The following GSDME variants were observed in gnomAD, a reference collection of about 807,000 sequenced individuals.
The protein encoded by GSDME is gasdermin-E.
GSDME carries 44 observed loss-of-function variants against 47.5 expected under a neutral mutation model. That is an observed-to-expected ratio of 0.93 (90% confidence interval 0.73 to 1.19). The LOEUF is 1.19. Ranked by LOEUF, GSDME falls within the 50% of genes most tolerant of loss-of-function variation. GSDME has a pLI of 0.00. For missense variants in GSDME, 663 were observed against 604.2 expected, an observed-to-expected ratio of 1.10 and a Z score of -1.02; for synonymous variants, 258 against 252.8, an observed-to-expected ratio of 1.02 and a Z score of -0.20.
At chr7:24,717,908 T>C (rs2128053090) in intron 4 of GSDME, among the ~76,000 whole-genome samples, 1 of 152,248 alleles carries the variant, frequency 6.6e-6, no homozygotes, top group Middle Eastern at 3.4e-3. Flanking sequence ...GGCACCAAGC[T>C]CCTGCCTTTA....
the GSDME span, among the ~76,000 whole-genome samples, chr7:24,779,096 A>G: frequency 6.6e-6 from 1 of 152,200 alleles, no homozygotes; most frequent in Non-Finnish European, 1.5e-5. The surrounding 1 kb of genome is among the most constrained non-coding windows in gnomAD (Gnocchi z 6.0). Flanking sequence ...CCGATGAGAC[A>G]GCCTGATGCA....
At position 24,749,811 on chromosome 7, in the gene GSDME, T is replaced by C; in HGVS notation, c.-19-18A>G. 2 of 1,536,560 alleles carry C rather than the reference T, an allele frequency of 1.3e-6. No homozygotes were observed. ...CAGATTATCTGAAAAAGTAAAGTTA[T>C]CCTAAAATCAAATAAGAAGTTACTA... On this transcript the variant is annotated intron_variant, in intron 1 of 9. Coordinates refer to ENST00000645220, the MANE Select transcript of GSDME (RefSeq NM_001127453.2).
rs947898839 is a variant in GSDME at position 24,728,354 on chromosome 7, C to G, written c.405-9136G>C. 6.6e-6 allele frequency among the ~76,000 whole-genome samples: 1 copy of G among 152,148 alleles called. No individual in the cohort carries two copies. Among genetic ancestry groups the G allele is most frequent in the African/African-American group, 2.4e-5 (1 of 41,442 alleles). ...TTCTGCCGTTAACCATTCAGTCAACCGGGACGCACCCTCTTCGAGATGTTT... is the reference window on the plus strand; with the variant it reads ...TTCTGCCGTTAACCATTCAGTCAACGGGGACGCACCCTCTTCGAGATGTTT... On this transcript the variant is annotated intron_variant, in intron 3 of 9. Coordinates refer to ENST00000645220, the MANE Select transcript of GSDME (RefSeq NM_001127453.2). This position sits in a 1 kb window ranked among gnomAD's most constrained non-coding sequence, Gnocchi z 7.2.
At chr7:24,730,220 T>C (rs1038925149) in intron 3 of GSDME, among the ~76,000 whole-genome samples, 4 of 152,214 alleles carry the variant, frequency 2.6e-5, no homozygotes, top group African/African-American at 9.6e-5. Context: ...TTCTAACTCC[T>C]GACTCATCCC....
rs1253619317 is a variant in GSDME at position 24,745,033 on chromosome 7, GT to G, written c.212-280del. Among the ~76,000 whole-genome samples the G allele has an allele frequency of 1.4e-3, 189 of 137,300 alleles. No individual in the cohort carries two copies. Among genetic ancestry groups the G allele is most frequent in the African/African-American group, 5.2e-3 (182 of 35,316 alleles). The allele number at this position is 137,300 out of a possible 152,430, so 90.1% of individuals were successfully genotyped here. A position where few individuals can be genotyped will look rare whatever the true frequency, so the allele number is the denominator to read the frequency against. ...TGTGTGTGTGTGTGTGTGTGTGTGT[GT>G]GGACCACGGGCACACAGTGGACCAG... On this transcript the variant is annotated intron_variant, in intron 2 of 9. Coordinates refer to ENST00000645220, the MANE Select transcript of GSDME (RefSeq NM_001127453.2). The surrounding 1 kb of genome is among the most constrained non-coding windows in gnomAD (Gnocchi z 4.4).
chr7:24,741,593 T>C (rs1184536409), intron 3 of GSDME, among the ~76,000 whole-genome samples: 2 of 152,154 alleles, frequency 1.3e-5, no homozygotes, highest in Non-Finnish European at 2.9e-5. Context: ...AAGCTAATAT[T>C]CTGATTTTTG....
At chr7:24,717,211 C>A (rs1562695758) in intron 5 of GSDME, 43 bp downstream of exon 5, 3 of 1,612,118 alleles carry the variant, frequency 1.9e-6, no homozygotes, top group Non-Finnish European at 2.5e-6. Context: ...CTGAGGGATC[C>A]TCTGCTGGGG....
Position 24,735,364 on chromosome 7 carries a change from A to G in GSDME, c.404+9198T>C, listed in dbSNP as rs1298198266. On this transcript the variant is annotated intron_variant, in intron 3 of 9. Coordinates refer to ENST00000645220, the MANE Select transcript of GSDME (RefSeq NM_001127453.2). This position sits in a 1 kb window ranked among gnomAD's most constrained non-coding sequence, Gnocchi z 4.4. ...TCTGAAAGTCCAAAATGTACTTGTA[A>G]GTACACAGAAAAAACACAGACTATT... Among the ~76,000 whole-genome samples, 1 of 152,236 alleles carries G rather than the reference A, an allele frequency of 6.6e-6. No individual in the cohort carries two copies. The highest frequency in any genetic ancestry group is 1.9e-4 in the East Asian group (1 of 5,204).
At chr7:24,701,048 G>A (rs1483856582) in intron 9 of GSDME, among the ~76,000 whole-genome samples, 1 of 152,156 alleles carries the variant, frequency 6.6e-6, no homozygotes. Context: ...TAGTGTATCT[G>A]GCACTGTACT....
At chr7:24,784,047 G>A in the GSDME span, among the ~76,000 whole-genome samples, 2 of 152,150 alleles carry the variant, frequency 1.3e-5, no homozygotes, top group African/African-American at 4.8e-5. Flanking sequence ...AGTTTTGGAT[G>A]AGCCTGGCCA....
the GSDME span, among the ~76,000 whole-genome samples, chr7:24,764,751 T>G: frequency 2.5e-4 from 38 of 152,186 alleles, no homozygotes; most frequent in Non-Finnish European, 7.3e-5. The surrounding 1 kb of genome is among the most constrained non-coding windows in gnomAD (Gnocchi z 4.4). Context: ...CTTCCTTATC[T>G]GGAAAGTGGG....
At chr7:24,769,683 C>G in the GSDME span, among the ~76,000 whole-genome samples, 1 of 152,156 alleles carries the variant, frequency 6.6e-6, no homozygotes, top group Admixed American at 6.5e-5. Flanking sequence ...TTCCACAGTT[C>G]CTCTTTCTCA....
the GSDME span, among the ~76,000 whole-genome samples, chr7:24,783,253 G>A: frequency 1.3e-5 from 2 of 152,198 alleles, no homozygotes; most frequent in Admixed American, 6.5e-5. Context: ...TAGAGGCTCA[G>A]AGCATTCACA....
At chr7:24,780,533 T>G in the GSDME span, among the ~76,000 whole-genome samples, 1 of 152,346 alleles carries the variant, frequency 6.6e-6, no homozygotes, top group East Asian at 1.9e-4. The surrounding 1 kb of genome is among the most constrained non-coding windows in gnomAD (Gnocchi z 4.1). Flanking sequence ...TACCGCTTTG[T>G]ACACACCCTT....
rs1458978593 is a variant in GSDME, at chr7:24,705,567, G to A, written c.1183+617C>T. On this transcript the variant is annotated intron_variant, in intron 8 of 9. Transcript: ENST00000645220. This position sits in a 1 kb window ranked among gnomAD's most constrained non-coding sequence, Gnocchi z 4.1. ...TCCTCGTGACAGGCACTGTGGCATG[G>A]CGAGTTCCGGATGGGAGGGGTACAG... 1.3e-5 allele frequency: 2 copies of A among 159,386 alleles called. No homozygotes were observed. The highest frequency in any genetic ancestry group is 1.2e-4 in the Admixed American group (2 of 16,996). 9.9% of individuals were successfully genotyped at this position (159,386 alleles called of 1,614,324 possible).
intron 8 of GSDME, chr7:24,703,395 A>G (rs1345366929): frequency 5.4e-6 from 1 of 186,236 alleles, no homozygotes; most frequent in Admixed American, 5.3e-5. Flanking sequence ...AAGTTGGAGC[A>G]GAGCTGTGCC....
At chr7:24,759,004 T>G (rs544598849), upstream of GSDME, among the ~76,000 whole-genome samples, 1 of 152,306 alleles carries the variant, frequency 6.6e-6, no homozygotes, top group East Asian at 1.9e-4. Context: ...GCAGTACACA[T>G]CCTTGCAGTA....
rs762005434 is a variant in GSDME at position 24,708,150 on chromosome 7, GTTC to G, written c.964_966del (p.Glu322del). 1 of 1,614,130 alleles carries G rather than the reference GTTC, an allele frequency of 6.2e-7. No homozygotes were observed. The highest frequency in any genetic ancestry group is 1.3e-5 in the African/African-American group (1 of 75,012). ...ACCACTGGTTCCAGGACCATGAGTA[GTTC>G]ATCATCAAATAGGACCGCCTGGAAG... On this transcript the variant is annotated inframe_deletion, in exon 7 of 10. Coordinates refer to ENST00000645220, the MANE Select transcript of GSDME (RefSeq NM_001127453.2).
chr7:24,761,288 C>G (rs1408838426), upstream of GSDME, among the ~76,000 whole-genome samples: 2 of 152,192 alleles, frequency 1.3e-5, no homozygotes, highest in Non-Finnish European at 2.9e-5. This position sits in a 1 kb window ranked among gnomAD's most constrained non-coding sequence, Gnocchi z 4.4. Context: ...AATAAAATAC[C>G]ATAGACTGAG....
Sources: gnomAD v4.1 joint callset for allele counts (sites outside exome capture counted in the v4.1 genomes callset) on GRCh38, gnomAD v4.1.1 for gene constraint, Gnocchi (gnomAD v3.1) non-coding constraint, MANE v1.5 for transcripts, NCBI Gene and HGNC (gene_info 2026-07-23, HGNC 2026-07-21) for gene names.